FAM227B: variants seen among roughly 807,000 people sequenced by gnomAD.
FAM227B encodes the protein family with sequence similarity 227 member B, also known as protein FAM227B.
Under a neutral mutation model 73.8 loss-of-function variants are expected in FAM227B, and 88 were observed. That is an observed-to-expected ratio of 1.19 (90% CI 1.00 to 1.42). The LOEUF (loss-of-function observed/expected upper bound fraction) is 1.42, where lower values mean the gene tolerates loss of function less well. FAM227B is among the 40% of genes most tolerant of loss of function. FAM227B has a pLI of 0.00. For synonymous variants in FAM227B, 210 were observed against 190.5 expected, an observed-to-expected ratio of 1.10 and a Z score of -0.84; for missense variants, 632 against 590.9, an observed-to-expected ratio of 1.07 and a Z score of -0.72.
intron 2 of FAM227B, among the ~76,000 whole-genome samples, chr15:49,614,334 A>G (rs1476249793): frequency 6.6e-6 from 1 of 152,216 alleles, no homozygotes; most frequent in East Asian, 1.9e-4. Context: ...AAAAAATCAT[A>G]TTTTTCTATG....
chr15:49,615,154 T>A lies in FAM227B; in HGVS notation c.18A>T (p.Thr6=), dbSNP rs563712202. 1 of 1,613,982 alleles carries A rather than the reference T, an allele frequency of 6.2e-7. No individual in the cohort carries two copies. Among genetic ancestry groups the A allele is most frequent in the Non-Finnish European group, 8.5e-7 (1 of 1,179,974 alleles). MAGQR[T]CQRRSSRAGP... ...CAGCTCTGCTGCTCCTCCTTTGACATGTTCGTTGGCCTGCCATGGTACAGT... is the reference window on the plus strand; with the variant it reads ...CAGCTCTGCTGCTCCTCCTTTGACAAGTTCGTTGGCCTGCCATGGTACAGT... Residue 6 remains threonine (T), a synonymous_variant, in exon 2 of 16, where the codon ACA becomes ACT. Transcript: ENST00000299338.
intron 13 of FAM227B, among the ~76,000 whole-genome samples, chr15:49,361,237 T>A (rs1011042106): frequency 6.6e-6 from 1 of 152,146 alleles, no homozygotes; most frequent in Non-Finnish European, 1.5e-5. Context: ...TTACCTATGA[T>A]GCAAATTTTT....
intron 14 of FAM227B, among the ~76,000 whole-genome samples, chr15:49,333,369 T>A (rs1017332738): frequency 6.6e-6 from 1 of 152,208 alleles, no homozygotes; most frequent in African/African-American, 2.4e-5. Flanking sequence ...TATATCCAAA[T>A]ATGTATGTTT....
Position 49,446,137 on chromosome 15 carries a change from G to T in FAM227B, c.1012+62074C>A, listed in dbSNP as rs554511582. ...AGTAATTAGTGTATTATAATTGGGA[G>T]TAGGCTGACAACAATTTTCATTGAG... On this transcript the variant is annotated intron_variant, in intron 11 of 15. Coordinates refer to ENST00000299338, the MANE Select transcript of FAM227B (RefSeq NM_152647.3). 9.1e-4 allele frequency among the ~76,000 whole-genome samples: 138 copies of T among 151,640 alleles called. 5 individuals carry two copies. In the South Asian group the frequency reaches 0.027, roughly 30 times the overall value.
intron 10 of FAM227B, among the ~76,000 whole-genome samples, chr15:49,509,986 G>C (rs2058863137): frequency 2.0e-5 from 3 of 151,934 alleles, no homozygotes. Flanking sequence ...AATTTCCAAA[G>C]TCCCATAGTT....
At chr15:49,496,025 AAAATAAAAT>A (rs899246813) in intron 11 of FAM227B, among the ~76,000 whole-genome samples, 1 of 152,108 alleles carries the variant, frequency 6.6e-6, no homozygotes, top group Non-Finnish European at 1.5e-5. Flanking sequence ...TCTGTCTTGA[AAAATAAAAT>A]AAATAAAATA....
intron 11 of FAM227B, chr15:49,424,153 G>C (rs1275017896): frequency 7.5e-6 from 5 of 671,038 alleles, no homozygotes; most frequent in Non-Finnish European, 1.3e-5. Flanking sequence ...AAAGGATAAG[G>C]CTAACAATTT....
intron 1 of FAM227B, 52 bp from the exon 2 acceptor site, chr15:49,615,295 T>C: frequency 3.7e-6 from 3 of 809,992 alleles, no homozygotes; most frequent in East Asian, 2.5e-5. Flanking sequence ...AGCCAAACAA[T>C]CCCTTTCCCC....
In FAM227B at chr15:49,568,453, A is replaced by G. The variant is rs1367097745; in HGVS notation, c.646-107T>C. ...TTCTCATGAGCAGATCAATTGGTAC[A>G]GGAGAATCAGCATGGGTTTTCGCAT... On this transcript the variant is annotated intron_variant, in intron 8 of 15. Transcript: ENST00000299338. 4.2e-5 allele frequency: 37 copies of G among 874,816 alleles called. No homozygotes were observed. The East Asian group carries it at 9.3e-4, about 22-fold the overall frequency. 54.2% of individuals were successfully genotyped at this position (874,816 alleles called of 1,614,324 possible).
intron 11 of FAM227B, among the ~76,000 whole-genome samples, chr15:49,462,276 A>G (rs1448137073): frequency 6.6e-6 from 1 of 152,200 alleles, no homozygotes; most frequent in African/African-American, 2.4e-5. Context: ...TGGTCTCATT[A>G]TTTAAAATAT....
intron 11 of FAM227B, chr15:49,396,133 G>C: frequency 2.6e-6 from 1 of 384,588 alleles, no homozygotes; most frequent in Non-Finnish European, 5.1e-6. Context: ...AGGTCAGTGG[G>C]TGTGCTCACC....
chr15:49,522,303 T>C (rs1424796170), intron 10 of FAM227B, among the ~76,000 whole-genome samples: 1 of 152,162 alleles, frequency 6.6e-6, no homozygotes, highest in Non-Finnish European at 1.5e-5. Flanking sequence ...AGAAGTCCCA[T>C]CTAAATGATA....
chr15:49,375,419 A>G (rs1462272860), intron 11 of FAM227B, among the ~76,000 whole-genome samples: 1 of 152,128 alleles, frequency 6.6e-6, no homozygotes, highest in Non-Finnish European at 1.5e-5. Flanking sequence ...CTTACTATGA[A>G]TTATATTTGT....
At chr15:49,329,824 G>C (rs1161565186) in intron 15 of FAM227B, 11 of 404,372 alleles carry the variant, frequency 2.7e-5, no homozygotes, top group Admixed American at 6.8e-5. Context: ...AAAAAAAAAA[G>C]GCACCTGTCA....
At chr15:49,354,994 C>A (rs1407836057) in intron 13 of FAM227B, among the ~76,000 whole-genome samples, 2 of 151,284 alleles carry the variant, frequency 1.3e-5, no homozygotes, top group Non-Finnish European at 2.9e-5. Context: ...ACACCTCACA[C>A]GGCAGGGTAC....
chr15:49,507,554 AG>A (rs934672142), intron 11 of FAM227B, among the ~76,000 whole-genome samples: 1 of 152,174 alleles, frequency 6.6e-6, no homozygotes, highest in African/African-American at 2.4e-5. Flanking sequence ...TAGCATAAAC[AG>A]GAGAGAAATA....
chr15:49,358,183 A>G (rs2043514572), intron 13 of FAM227B, among the ~76,000 whole-genome samples: 1 of 151,642 alleles, frequency 6.6e-6, no homozygotes, highest in South Asian at 2.1e-4. Context: ...GGCACAAGAC[A>G]GGGATGCCCT....
At chr15:49,393,700 C>G (rs923362514) in intron 11 of FAM227B, among the ~76,000 whole-genome samples, 6 of 152,100 alleles carry the variant, frequency 3.9e-5, no homozygotes, top group African/African-American at 1.2e-4. Flanking sequence ...ATTCTTTGAT[C>G]TGGCTACCAC....
intron 11 of FAM227B, among the ~76,000 whole-genome samples, chr15:49,501,805 G>A (rs932686322): frequency 6.6e-5 from 10 of 152,196 alleles, no homozygotes; most frequent in Non-Finnish European, 1.5e-4. Flanking sequence ...AGGTCCTCTA[G>A]TCACAGGCCC....
Sources: allele counts gnomAD v4.1 joint callset (sites outside exome capture counted in the v4.1 genomes callset), GRCh38; gene constraint gnomAD v4.1.1; transcripts MANE v1.5; gene names NCBI Gene and HGNC (gene_info 2026-07-23, HGNC 2026-07-21).